ADGRL3: variants seen among roughly 807,000 people sequenced by gnomAD.
ADGRL3 encodes calcium-independent alpha-latrotoxin receptor 3.
ADGRL3 carries 62 observed loss-of-function variants against 153.5 expected under a neutral mutation model. That is an observed-to-expected ratio of 0.40 (90% CI 0.33 to 0.50). The LOEUF is 0.50. Among genes scored for constraint, ADGRL3 ranks in the 20% least tolerant of loss-of-function variants. The pLI is 0.47. For synonymous variants in ADGRL3, 710 were observed against 672.5 expected (o/e 1.06, Z -0.86); for missense variants, 1,641 against 1,859.4 (o/e 0.88, Z 2.16).
rs368725455 is a variant in ADGRL3 at position 61,722,732 on chromosome 4, GT to G, written c.584-7883del. Among the ~76,000 whole-genome samples, 769 of 152,126 alleles carry G rather than the reference GT, an allele frequency of 5.1e-3. 8 individuals are homozygous for G. The highest frequency in any genetic ancestry group is 0.014 in the African/African-American group (601 of 41,520). On this transcript the variant is annotated intron_variant, in intron 6 of 26. Transcript: ENST00000683033. ...ATAGGTTTAAGATCTTTACTCATCAGTTTTTTTGGTGTTTGATAAAATTGGA... is the reference window on the plus strand; with the variant it reads ...ATAGGTTTAAGATCTTTACTCATCAGTTTTTTGGTGTTTGATAAAATTGGA...
chr4:61,612,960 C>T (rs768318692), intron 5 of ADGRL3, among the ~76,000 whole-genome samples: 3 of 152,122 alleles, frequency 2.0e-5, no homozygotes, highest in Non-Finnish European at 2.9e-5. Context: ...TTTTTAAAAT[C>T]TCAACCAGGT....
intron 15 of ADGRL3, among the ~76,000 whole-genome samples, chr4:61,938,259 G>T (rs907285240): frequency 6.6e-6 from 1 of 152,132 alleles, no homozygotes; most frequent in South Asian, 2.1e-4. Flanking sequence ...CAAGAAAAAT[G>T]CATGGATGTT....
intron 26 of ADGRL3, among the ~76,000 whole-genome samples, chr4:62,069,331 T>C (rs557335281): frequency 6.6e-6 from 1 of 152,238 alleles, no homozygotes; most frequent in Non-Finnish European, 1.5e-5. Flanking sequence ...TCTTTTGTAG[T>C]ATTACCTAAT....
chr4:61,522,430 T>C (rs965365849), intron 4 of ADGRL3, among the ~76,000 whole-genome samples: 2 of 152,138 alleles, frequency 1.3e-5, no homozygotes, highest in Admixed American at 6.5e-5. Flanking sequence ...AATGTTCTCA[T>C]TGATTAAGAC....
chr4:61,471,197 C>CT (rs1560690111), intron 2 of ADGRL3, among the ~76,000 whole-genome samples: 1 of 151,610 alleles, frequency 6.6e-6, no homozygotes, highest in Non-Finnish European at 1.5e-5. Context: ...TCTCAAGCTT[C>CT]TTTTTAGCAT....
intron 6 of ADGRL3, among the ~76,000 whole-genome samples, chr4:61,687,896 A>C (rs1161188367): frequency 6.6e-6 from 1 of 152,054 alleles, no homozygotes; most frequent in Non-Finnish European, 1.5e-5. Flanking sequence ...TGTATGTATT[A>C]TTTTAATTTT....
intron 1 of ADGRL3, among the ~76,000 whole-genome samples, chr4:61,324,343 G>T (rs1212358857): frequency 6.6e-6 from 1 of 151,986 alleles, no homozygotes; most frequent in Non-Finnish European, 1.5e-5. Context: ...CGTATACCTG[G>T]AAGTGGAAAT....
intron 1 of ADGRL3, among the ~76,000 whole-genome samples, chr4:61,345,543 A>G (rs1460222772): frequency 2.0e-5 from 3 of 152,214 alleles, no homozygotes; most frequent in African/African-American, 7.2e-5. Context: ...TTAATAGCAA[A>G]AGCTCTATGA....
At chr4:61,476,263 C>T (rs759420623) in intron 2 of ADGRL3, among the ~76,000 whole-genome samples, 80 of 152,074 alleles carry the variant, frequency 5.3e-4, no homozygotes, top group Non-Finnish European at 4.6e-4. Context: ...GTCACTTTGT[C>T]GCCCAGGCTG....
At chr4:61,318,946 T>C (rs913936700) in intron 1 of ADGRL3, among the ~76,000 whole-genome samples, 1 of 152,212 alleles carries the variant, frequency 6.6e-6, no homozygotes, top group African/African-American at 2.4e-5. Context: ...ATTTGGCAAG[T>C]TCTATAAATT....
At chr4:61,448,810 G>GAGAA (rs1441138444) in intron 2 of ADGRL3, among the ~76,000 whole-genome samples, 21 of 114,020 alleles carry the variant, frequency 1.8e-4, no homozygotes, top group Non-Finnish European at 3.6e-4. Flanking sequence ...GAGGAAGGGA[G>GAGAA]GGAAGGAAGG....
chr4:61,251,415 A>C (rs1173877166), intron 1 of ADGRL3, among the ~76,000 whole-genome samples: 1 of 152,170 alleles, frequency 6.6e-6, no homozygotes, highest in Non-Finnish European at 1.5e-5. Context: ...AGGAAGCTGC[A>C]TGGCATTTGA....
At chr4:61,464,912 G>A (rs2097861513) in intron 2 of ADGRL3, among the ~76,000 whole-genome samples, 1 of 152,120 alleles carries the variant, frequency 6.6e-6, no homozygotes, top group Admixed American at 6.6e-5. Flanking sequence ...ACATTAGTCA[G>A]CAGAACATTA....
intron 2 of ADGRL3, among the ~76,000 whole-genome samples, chr4:61,480,336 T>C (rs1017439362): frequency 2.6e-5 from 4 of 152,202 alleles, no homozygotes; most frequent in African/African-American, 9.7e-5. Context: ...TCCAGGTTCA[T>C]TCATATTGTT....
intron 4 of ADGRL3, among the ~76,000 whole-genome samples, chr4:61,529,447 T>C (rs1392946505): frequency 6.6e-6 from 1 of 152,204 alleles, no homozygotes; most frequent in African/African-American, 2.4e-5. Flanking sequence ...TATTCTGCAG[T>C]AATCCTTAAT....
chr4:61,401,216 C>T (rs1204878154), intron 2 of ADGRL3, among the ~76,000 whole-genome samples: 2 of 151,674 alleles, frequency 1.3e-5, no homozygotes, highest in South Asian at 4.1e-4. Context: ...TCACATAAAA[C>T]AACGTAAGCA....
At chr4:61,454,006 C>T (rs1257384065) in intron 2 of ADGRL3, among the ~76,000 whole-genome samples, 2 of 152,046 alleles carry the variant, frequency 1.3e-5, no homozygotes, top group East Asian at 3.9e-4. Context: ...TTCAGTTGTT[C>T]ATTGTAATTG....
chr4:61,715,947 TAAAAAAAA>T (rs59481591), intron 6 of ADGRL3, among the ~76,000 whole-genome samples: 2 of 85,430 alleles, frequency 2.3e-5, no homozygotes, highest in South Asian at 3.8e-4. Context: ...GCCCTTAAAG[TAAAAAAAA>T]AAAAAAAAAA....
At position 61,200,446 on chromosome 4, in the gene ADGRL3, C is replaced by T. The variant is rs1035250077; in HGVS notation, c.-1559C>T. ...CCCCCCTCGCCTGCTGGCCCGGCAC[C>T]GCTCGCTCCAGTTCCCAGGAGCGGG... On this transcript the variant is annotated 5_prime_UTR_variant, in exon 1 of 27. Transcript: ENST00000683033. 6.6e-6 allele frequency among the ~76,000 whole-genome samples: 1 copy of T among 151,732 alleles called. No homozygotes were observed. The highest frequency in any genetic ancestry group is 2.4e-5 in the African/African-American group (1 of 41,344).
Sources: allele counts gnomAD v4.1 joint callset (sites outside exome capture counted in the v4.1 genomes callset), GRCh38; gene constraint gnomAD v4.1.1; transcripts MANE v1.5; gene names NCBI Gene and HGNC (gene_info 2026-07-23, HGNC 2026-07-21).